The following NRDC variants were observed in gnomAD, a reference collection of about 807,000 sequenced individuals.
NRDC encodes the protein nardilysin convertase.
Under a neutral mutation model 147.1 loss-of-function variants are expected in NRDC, and 54 were observed. That is an observed-to-expected ratio of 0.37 (90% CI 0.29 to 0.46). The LOEUF is 0.46. Among genes scored for constraint, NRDC ranks in the 20% least tolerant of loss-of-function variants. The pLI is 1.00. For synonymous variants in NRDC, 440 were observed against 482.1 expected (o/e 0.91, Z 1.14); for missense variants, 1,082 against 1,370.6 (o/e 0.79, Z 3.33).
chr1:51,845,546 T>G (rs981499359), intron 1 of NRDC, among the ~76,000 whole-genome samples: 1 of 152,066 alleles, frequency 6.6e-6, no homozygotes, highest in Non-Finnish European at 1.5e-5. Context: ...TGAGCCAGGA[T>G]TGCACCACAG....
intron 21 of NRDC, 174 bp from the exon 22 acceptor site, chr1:51,798,585 C>A: frequency 1.8e-6 from 1 of 550,940 alleles, no homozygotes. Flanking sequence ...GTACTGAAAA[C>A]CACATACACA....
In NRDC at chr1:51,850,443, G is replaced by A. The variant is rs182522537; in HGVS notation, c.342-9929C>T. On this transcript the variant is annotated intron_variant, in intron 1 of 30. Transcript: ENST00000352171. The stretch of plus-strand genomic sequence containing the variant: ...TATAAATTCCAGATTACTTAGAGCT[G>A]AAACAGAACAGGGACACCTTTTAAG... Among the ~76,000 whole-genome samples the A allele has an allele frequency of 1.4e-4, 21 of 152,274 alleles. No individual in the cohort carries two copies. In the East Asian group the frequency reaches 3.9e-3, roughly 28 times the overall value.
At chr1:51,872,939 G>A (rs535133874) in intron 1 of NRDC, among the ~76,000 whole-genome samples, 1 of 150,104 alleles carries the variant, frequency 6.7e-6, no homozygotes, top group African/African-American at 2.5e-5. Flanking sequence ...TTTGTTATCA[G>A]ACTAAGGAAT....
At chr1:51,861,002 T>C (rs1047263082) in intron 1 of NRDC, among the ~76,000 whole-genome samples, 8 of 150,776 alleles carry the variant, frequency 5.3e-5, no homozygotes, top group Non-Finnish European at 1.2e-4. Context: ...CAAGCTGGAA[T>C]ACAGTGGCAT....
intron 4 of NRDC, among the ~76,000 whole-genome samples, chr1:51,833,633 C>T (rs993353488): frequency 1.3e-5 from 2 of 151,908 alleles, no homozygotes; most frequent in African/African-American, 4.8e-5. Flanking sequence ...GACAGGGTCT[C>T]AAACAAACTC....
At chr1:51,841,903 TG>T (rs1434084391) in intron 1 of NRDC, among the ~76,000 whole-genome samples, 1 of 152,206 alleles carries the variant, frequency 6.6e-6, no homozygotes, top group East Asian at 1.9e-4. Context: ...TGGCCTAAGA[TG>T]GAAGACTGAA....
chr1:51,790,245 A>G (rs1000631443), intron 29 of NRDC, among the ~76,000 whole-genome samples: 1 of 152,246 alleles, frequency 6.6e-6, no homozygotes, highest in South Asian at 2.1e-4. Context: ...TTAAACGGCA[A>G]AACTCTTTTT....
intron 21 of NRDC, among the ~76,000 whole-genome samples, chr1:51,799,778 C>A (rs1189676143): frequency 6.6e-6 from 1 of 152,144 alleles, no homozygotes; most frequent in Non-Finnish European, 1.5e-5. Flanking sequence ...TGAATGAAGG[C>A]CCAAGGGGGT....
intron 1 of NRDC, among the ~76,000 whole-genome samples, chr1:51,867,115 CA>C (rs1194120673): frequency 6.6e-6 from 1 of 152,010 alleles, no homozygotes; most frequent in Non-Finnish European, 1.5e-5. Flanking sequence ...ACTGGGATTA[CA>C]GGCATCATGA....
intron 2 of NRDC, among the ~76,000 whole-genome samples, chr1:51,836,657 T>C (rs1353519493): frequency 2.6e-4 from 40 of 152,182 alleles, no homozygotes; most frequent in Non-Finnish European, 2.9e-5. Context: ...TTACTAGATG[T>C]GAAACCTGTC....
chr1:51,814,034 C>T lies in NRDC; in HGVS notation c.1674+1G>A. 1 of 1,592,006 alleles carries T rather than the reference C, an allele frequency of 6.3e-7. No individual in the cohort carries two copies. The highest frequency in any genetic ancestry group is 8.6e-7 in the Non-Finnish European group (1 of 1,161,710). On this transcript the variant is annotated splice_donor_variant, in intron 14 of 30. Transcript: ENST00000352171. LOFTEE classifies it high-confidence loss of function. ...TGCAAAAAGAATTTGACTTCCAGTA[C>T]CTGTTCTTGGTAATGAAATTCATTA...
At chr1:51,847,981 T>C (rs1681739101) in intron 1 of NRDC, among the ~76,000 whole-genome samples, 1 of 152,264 alleles carries the variant, frequency 6.6e-6, no homozygotes, top group Admixed American at 6.5e-5. Context: ...AAAATGATTT[T>C]GTAAAAATAC....
intron 9 of NRDC, 78 bp downstream of exon 9, chr1:51,819,722 A>C (rs1680129200): frequency 8.7e-7 from 1 of 1,144,902 alleles, no homozygotes; most frequent in East Asian, 2.6e-5. Context: ...ATTTTCAATG[A>C]AAATTGGCAG....
intron 1 of NRDC, among the ~76,000 whole-genome samples, chr1:51,843,048 A>G (rs376079462): frequency 9.2e-5 from 12 of 130,056 alleles, no homozygotes; most frequent in African/African-American, 3.4e-4. Context: ...TGGGCAACAG[A>G]GCAAAAACCT....
At chr1:51,799,599 C>T (rs2149191097) in intron 21 of NRDC, among the ~76,000 whole-genome samples, 1 of 152,284 alleles carries the variant, frequency 6.6e-6, no homozygotes, top group East Asian at 1.9e-4. Flanking sequence ...TAGGGGCTAG[C>T]CAGTCATGTG....
chr1:51,870,526 C>T (rs1683031430), intron 1 of NRDC, among the ~76,000 whole-genome samples: 1 of 152,198 alleles, frequency 6.6e-6, no homozygotes. Flanking sequence ...AAGGCTTCCC[C>T]TATGCATCCC....
Position 51,878,412 on chromosome 1 carries a change from A to G in NRDC, c.204T>C (p.Asn68=), listed in dbSNP as rs147631559. Reference sequence around the variant, plus strand: ...GGCTGTTCTCGCCCAGATCCTGTCCATTGGGCTGCAGGTCAGGGCAGCTGC... The same window carrying G: ...GGCTGTTCTCGCCCAGATCCTGTCCGTTGGGCTGCAGGTCAGGGCAGCTGC... ...STCSCPDLQP[N]GQDLGENSRV... Residue 68 remains asparagine, a synonymous_variant, in exon 1 of 31, where the codon AAT becomes AAC. Transcript: ENST00000352171. The G allele has an allele frequency of 1.5e-3, 2,423 of 1,614,068 alleles. 2 individuals carry two copies. Among genetic ancestry groups the G allele is most frequent in the Non-Finnish European group, 1.8e-3 (2,110 of 1,180,016 alleles).
chr1:51,811,678 G>A (rs893274455), intron 15 of NRDC, among the ~76,000 whole-genome samples: 4 of 152,118 alleles, frequency 2.6e-5, no homozygotes, highest in African/African-American at 7.2e-5. Flanking sequence ...AAACAACTAC[G>A]TATTTTTCAC....
At chr1:51,847,640 C>A (rs1681718088) in intron 1 of NRDC, among the ~76,000 whole-genome samples, 1 of 152,236 alleles carries the variant, frequency 6.6e-6, no homozygotes, top group Non-Finnish European at 1.5e-5. Context: ...CCCTCACTGC[C>A]AGGGGCCAGC....
Sources: gnomAD v4.1 joint callset for allele counts (sites outside exome capture counted in the v4.1 genomes callset) on GRCh38, gnomAD v4.1.1 for gene constraint, MANE v1.5 for transcripts, NCBI Gene and HGNC (gene_info 2026-07-23, HGNC 2026-07-21) for gene names.